Variants in ST6GAL2 observed in about 807,000 individuals in gnomAD.
The protein encoded by ST6GAL2 is ST6 beta-galactoside alpha-2,6-sialyltransferase 2, also known as beta-galactoside alpha-2,6-sialyltransferase 2.
In ST6GAL2, 24 loss-of-function variants were observed where a neutral mutation model predicts 37.5. The observed-to-expected ratio is 0.64, with a 90% CI of 0.46 to 0.90. The LOEUF (loss-of-function observed/expected upper bound fraction) is 0.90. Among genes scored for constraint, ST6GAL2 ranks in the 40% least tolerant of loss-of-function variants. The pLI is 0.00. For missense variants in ST6GAL2, 715 were observed against 712.7 expected (o/e 1.00, Z -0.04); for synonymous variants, 306 against 295.1 (o/e 1.04, Z -0.38).
At chr2:106,874,138 T>C (rs1456586593) in intron 1 of ST6GAL2, among the ~76,000 whole-genome samples, 1 of 152,150 alleles carries the variant, frequency 6.6e-6, no homozygotes, top group East Asian at 1.9e-4. Flanking sequence ...TGCAAGGAAC[T>C]TACAGTTTAG....
Position 106,843,321 on chromosome 2 carries a change from C to T in ST6GAL2, c.657G>A (p.Pro219=). The change falls in exon 2 of 6, where the codon CCG becomes CCA. Residue 219 remains proline, a synonymous_variant. Transcript: ENST00000409382. ...AATCCTTCATCGCCTTCTGCAGGCG[C>T]GGGTTCAGCATTTTGGAAGAGACGT... The part of the protein sequence containing the change: ...KGNVSSKMLN[P]RLQKAMKDYL... 1 of 1,613,928 alleles carries T rather than the reference C, an allele frequency of 6.2e-7. No individual in the cohort carries two copies. Among genetic ancestry groups the T allele is most frequent in the Non-Finnish European group, 8.5e-7 (1 of 1,179,974 alleles).
intron 5 of ST6GAL2, among the ~76,000 whole-genome samples, chr2:106,815,063 A>C (rs935233302): frequency 1.3e-5 from 2 of 152,316 alleles, no homozygotes; most frequent in Middle Eastern, 3.4e-3. Context: ...GCAGTCCAAT[A>C]ATAGGTGTAT....
intron 1 of ST6GAL2, among the ~76,000 whole-genome samples, chr2:106,863,072 G>A (rs535065088): frequency 7.9e-5 from 12 of 151,772 alleles, no homozygotes; most frequent in Non-Finnish European, 1.5e-4. Context: ...CATCATGTGC[G>A]TTACAGCTGG....
chr2:106,887,010 C>T (rs897316383), upstream of ST6GAL2: 1 of 152,348 alleles, frequency 6.6e-6, no homozygotes, highest in African/African-American at 2.4e-5. Context: ...CGCCTGGACA[C>T]CTCCGGGGCA....
Position 106,812,963 on chromosome 2 carries a change from T to G in ST6GAL2, c.1319-6014A>C, listed in dbSNP as rs116511109. On this transcript the variant is annotated intron_variant, in intron 5 of 5. Transcript: ENST00000409382. Reference sequence around the variant, plus strand: ...TAACAACTTTATCACTAATGAAAGTTTTACTGCTTTCAACATGAGGCTGGA... The same window carrying G: ...TAACAACTTTATCACTAATGAAAGTGTTACTGCTTTCAACATGAGGCTGGA... The G allele has an allele frequency of 4.8e-4, 490 of 1,018,124 alleles. 5 individuals are homozygous for G. In the African/African-American group the frequency reaches 7.7e-3, roughly 16 times the overall value. 63.1% of individuals were successfully genotyped at this position (1,018,124 alleles called of 1,614,324 possible).
rs373318964 is a variant in ST6GAL2 at position 106,829,685 on chromosome 2, G to GT, written c.1318+380dup. On this transcript the variant is annotated intron_variant, in intron 5 of 5. Transcript: ENST00000409382. ...TTTCAGAGTAGTCTGTTACACGAGT[G>GT]TTTTTTTTTTCCTTAGTTAACCTAC... is the stretch of plus-strand genomic sequence containing the variant. 1.2e-3 allele frequency among the ~76,000 whole-genome samples: 180 copies of GT among 149,248 alleles called. No homozygotes were observed. The Middle Eastern group carries it at 0.017, about 14-fold the overall frequency.
At chr2:106,829,754 G>A (rs1676342098) in intron 5 of ST6GAL2, among the ~76,000 whole-genome samples, 3 of 151,634 alleles carry the variant, frequency 2.0e-5, no homozygotes, top group South Asian at 2.1e-4. Flanking sequence ...CTATACAGGT[G>A]GAACATGCCT....
chr2:106,846,272 GAGATGTGTAT>G (rs1677141791), intron 1 of ST6GAL2, among the ~76,000 whole-genome samples: 1 of 152,140 alleles, frequency 6.6e-6, no homozygotes, highest in African/African-American at 2.4e-5. Flanking sequence ...TGTTTTGTTT[GAGATGTGTAT>G]AGATGTGTAT....
chr2:106,830,805 G>A (rs971829372), intron 4 of ST6GAL2, among the ~76,000 whole-genome samples: 4 of 152,124 alleles, frequency 2.6e-5, no homozygotes, highest in South Asian at 2.1e-4. Flanking sequence ...GGGCTGGGAA[G>A]ATTAACTAGG....
intron 1 of ST6GAL2, among the ~76,000 whole-genome samples, chr2:106,879,139 C>T (rs906167635): frequency 6.6e-5 from 10 of 152,008 alleles, no homozygotes; most frequent in Non-Finnish European, 7.4e-5. Context: ...CATCGAATAC[C>T]GTGCTTAACA....
At chr2:106,838,145 A>G (rs1181818336) in intron 2 of ST6GAL2, among the ~76,000 whole-genome samples, 1 of 152,228 alleles carries the variant, frequency 6.6e-6, no homozygotes, top group Non-Finnish European at 1.5e-5. Context: ...AAAAAAAGGA[A>G]TAGGTCAGAC....
At chr2:106,856,660 G>A (rs559384368) in intron 1 of ST6GAL2, among the ~76,000 whole-genome samples, 1 of 152,306 alleles carries the variant, frequency 6.6e-6, no homozygotes, top group African/African-American at 2.4e-5. Context: ...TGAGAAAAAT[G>A]AGTGACAGCA....
chr2:106,886,811 A>G (rs1415518992), upstream of ST6GAL2, among the ~76,000 whole-genome samples: 1 of 151,522 alleles, frequency 6.6e-6, no homozygotes, highest in Non-Finnish European at 1.5e-5. Flanking sequence ...CCCGCCGGCG[A>G]GCGCAGGCGG....
chr2:106,839,041 A>T (rs1479611701), intron 2 of ST6GAL2, among the ~76,000 whole-genome samples: 1 of 150,446 alleles, frequency 6.6e-6, no homozygotes, highest in African/African-American at 2.5e-5. Context: ...ATCTCAAAAA[A>T]GCAAAAAAAC....
intron 1 of ST6GAL2, among the ~76,000 whole-genome samples, chr2:106,879,307 G>A (rs1558734886): frequency 6.6e-6 from 1 of 152,124 alleles, no homozygotes; most frequent in African/African-American, 2.4e-5. Flanking sequence ...AGTGAAGCAA[G>A]TAACAAATGT....
intron 1 of ST6GAL2, among the ~76,000 whole-genome samples, chr2:106,872,289 G>A (rs532901079): frequency 6.6e-6 from 1 of 152,274 alleles, no homozygotes; most frequent in South Asian, 2.1e-4. Flanking sequence ...TTTCTTCTTT[G>A]CCTGGTGCAT....
rs1021383351 is a variant in ST6GAL2 at position 106,843,101 on chromosome 2, G to A, written c.877C>T (p.Leu293=). ...GACATGACGACAGCGCAGCTGCGCAGGCCGCGGGGGTGCAGCTGGCTCAGG... is the reference window on the plus strand; with the variant it reads ...GACATGACGACAGCGCAGCTGCGCAAGCCGCGGGGGTGCAGCTGGCTCAGG... ...VPLSQLHPRG[L]RSCAVVMSAG... The change falls in exon 2 of 6, where the codon CTG becomes TTG. Residue 293 remains leucine, a synonymous_variant. Coordinates refer to ENST00000409382, the MANE Select transcript of ST6GAL2 (RefSeq NM_001142351.2). The A allele has an allele frequency of 1.9e-6, 3 of 1,540,444 alleles. No individual in the cohort carries two copies. Among genetic ancestry groups the A allele is most frequent in the African/African-American group, 1.4e-5 (1 of 70,158 alleles).
intron 1 of ST6GAL2, among the ~76,000 whole-genome samples, chr2:106,866,100 T>C (rs1321625375): frequency 3.3e-5 from 5 of 152,190 alleles, no homozygotes; most frequent in Admixed American, 6.5e-5. Flanking sequence ...ATTATAAAGA[T>C]GGCTTCATTT....
At chr2:106,875,003 CAACTTCTTTGGCTTTAAGAA>C (rs372360828) in intron 1 of ST6GAL2, among the ~76,000 whole-genome samples, 1 of 152,278 alleles carries the variant, frequency 6.6e-6, no homozygotes, top group Non-Finnish European at 1.5e-5. Context: ...GTATCTAAGC[CAACTTCTTTGGCTTTAAGAA>C]AATTCTGAAT....
Sources: allele counts gnomAD v4.1 joint callset (sites outside exome capture counted in the v4.1 genomes callset), GRCh38; gene constraint gnomAD v4.1.1; transcripts MANE v1.5; gene names NCBI Gene and HGNC (gene_info 2026-07-23, HGNC 2026-07-21).